Variants in PHYKPL observed in about 807,000 individuals in gnomAD.
The protein encoded by PHYKPL is 5-phosphohydroxy-L-lysine phospho-lyase.
Under a neutral mutation model 51.3 loss-of-function variants are expected in PHYKPL, and 42 were observed. That is an observed-to-expected ratio of 0.82 (90% CI 0.64 to 1.06). The LOEUF (loss-of-function observed/expected upper bound fraction) is 1.06. PHYKPL is among the 50% of genes least tolerant of loss of function. The probability of loss-of-function intolerance (pLI) is 0.00; values close to 1 mark genes in which losing one functional copy is unlikely to be tolerated. For synonymous variants in PHYKPL, 264 were observed against 236.0 expected (o/e 1.12, Z -1.09); for missense variants, 655 against 586.6 (o/e 1.12, Z -1.20).
chr5:178,224,426 G>C (rs1321115830), intron 6 of PHYKPL, 22 bp downstream of exon 6: 1 of 1,544,878 alleles, frequency 6.5e-7, no homozygotes, highest in East Asian at 2.3e-5. Flanking sequence ...TGGCTGGATT[G>C]GACAGGCGCG....
chr5:178,209,511 T>G, intron 12 of PHYKPL: 3 of 1,396,068 alleles, frequency 2.1e-6, no homozygotes, highest in Non-Finnish European at 3.0e-6. Flanking sequence ...TCCAAGCCTG[T>G]CTTGGGGCTC....
At chr5:178,231,020 A>G (rs1251892623) in intron 2 of PHYKPL, 1 of 179,362 alleles carries the variant, frequency 5.6e-6, no homozygotes, top group Non-Finnish European at 1.2e-5. Flanking sequence ...CCTCATCAAG[A>G]TGACTGAATT....
intron 12 of PHYKPL, among the ~76,000 whole-genome samples, chr5:178,209,890 CTGAG>C (rs1050686444): frequency 2.0e-5 from 3 of 152,228 alleles, no homozygotes; most frequent in South Asian, 2.1e-4. Context: ...CAGAGAGTGA[CTGAG>C]TGAGTGAGCT....
intron 1 of PHYKPL, 47 bp downstream of exon 1, chr5:178,232,445 C>T: frequency 1.4e-6 from 2 of 1,379,714 alleles, no homozygotes; most frequent in South Asian, 1.6e-5. Context: ...GCGCGTGCCT[C>T]TCCGCGCAGC....
At chr5:178,217,294 A>G (rs559798168) in intron 8 of PHYKPL, among the ~76,000 whole-genome samples, 2 of 151,604 alleles carry the variant, frequency 1.3e-5, no homozygotes, top group Admixed American at 1.3e-4. Context: ...GATCTCAGCA[A>G]ACTGCAGCTG....
intron 3 of PHYKPL, among the ~76,000 whole-genome samples, chr5:178,229,360 G>A (rs947630347): frequency 6.6e-6 from 1 of 152,074 alleles, no homozygotes; most frequent in African/African-American, 2.4e-5. Context: ...CGCCCACCTC[G>A]ATCTCCCGAA....
chr5:178,217,725 G>A (rs1760134160), intron 8 of PHYKPL, among the ~76,000 whole-genome samples: 2 of 151,202 alleles, frequency 1.3e-5, no homozygotes, highest in South Asian at 4.2e-4. Context: ...GGGCATCATG[G>A]CGGGCGCCTG....
chr5:178,224,799 T>C, intron 4 of PHYKPL, 70 bp from the exon 5 acceptor site: 1 of 1,254,896 alleles, frequency 8.0e-7, no homozygotes, highest in Non-Finnish European at 1.1e-6. Flanking sequence ...CTGACCATCG[T>C]CTCCCCACCC....
In PHYKPL at chr5:178,232,683, G is replaced by T; in HGVS notation, c.-133C>A. On this transcript the variant is annotated 5_prime_UTR_variant, in exon 1 of 13. Coordinates refer to ENST00000308158, the MANE Select transcript of PHYKPL (RefSeq NM_153373.4). ...GGGGCTCAGGTTCGCACTCGGCCCC[G>T]CCCCGAAGCGCCCGCGTTGCGGTGG... is the stretch of plus-strand genomic sequence containing the variant. 1 of 965,258 alleles carries T rather than the reference G, an allele frequency of 1.0e-6. No individual in the cohort carries two copies. Among genetic ancestry groups the T allele is most frequent in the Non-Finnish European group, 1.3e-6 (1 of 749,404 alleles). The allele number at this position is 965,258 out of a possible 1,614,324, so 59.8% of individuals were successfully genotyped here. A position where few individuals can be genotyped will look rare whatever the true frequency, so the allele number is the denominator to read the frequency against.
chr5:178,224,351 G>C, intron 6 of PHYKPL, 97 bp downstream of exon 6: 1 of 1,299,618 alleles, frequency 7.7e-7, no homozygotes, highest in Non-Finnish European at 1.1e-6. Flanking sequence ...GGCCTCGTTT[G>C]GTTTTCTCTC....
intron 12 of PHYKPL, chr5:178,210,661 TTTG>T: frequency 6.6e-7 from 1 of 1,504,816 alleles, no homozygotes; most frequent in Non-Finnish European, 9.3e-7. Context: ...GCACACATGC[TTTG>T]TTTGGATATG....
rs753039119 is a variant in PHYKPL at position 178,224,437 on chromosome 5, G to C, written c.618+11C>G. 6.4e-7 allele frequency: 1 copy of C among 1,562,292 alleles called. No individual in the cohort carries two copies. Among genetic ancestry groups the C allele is most frequent in the South Asian group, 1.2e-5 (1 of 82,184 alleles). ...CTGTTGGCTGGATTGGACAGGCGCG[G>C]ACACGGTTACCTTCCTGCCCTTCTC... On this transcript the variant is annotated intron_variant, in intron 6 of 12. Transcript: ENST00000308158.
chr5:178,213,205 C>CA (rs1181180102), intron 10 of PHYKPL, 102 bp from the exon 11 acceptor site: 51 of 1,483,828 alleles, frequency 3.4e-5, no homozygotes, highest in Non-Finnish European at 4.5e-5. Flanking sequence ...CAGAGCCTTC[C>CA]ATGGGCCAGT....
At chr5:178,215,210 G>A in intron 9 of PHYKPL, 66 bp downstream of exon 9, 2 of 1,605,790 alleles carry the variant, frequency 1.2e-6, no homozygotes, top group Non-Finnish European at 1.7e-6. Flanking sequence ...TTGTTAGGAG[G>A]TGAAGAAAAT....
chr5:178,229,490 C>T (rs573771168), intron 3 of PHYKPL, among the ~76,000 whole-genome samples: 1 of 152,180 alleles, frequency 6.6e-6, no homozygotes, highest in Non-Finnish European at 1.5e-5. Context: ...GCTTAACAGC[C>T]CTTCCTCAGG....
At chr5:178,218,109 C>A (rs1253054643) in intron 8 of PHYKPL, among the ~76,000 whole-genome samples, 16 of 107,456 alleles carry the variant, frequency 1.5e-4, no homozygotes, top group East Asian at 5.3e-4. Flanking sequence ...CCCAGCTACT[C>A]GGGAGGCTGA....
chr5:178,212,870 G>A, intron 11 of PHYKPL, 103 bp downstream of exon 11: 1 of 1,494,450 alleles, frequency 6.7e-7, no homozygotes, highest in Admixed American at 1.9e-5. Context: ...ATGTGCCTCT[G>A]CTCTTGGACT....
chr5:178,228,436 GGAATCCACACA>G (rs1353211842), intron 3 of PHYKPL: 1 of 661,452 alleles, frequency 1.5e-6, no homozygotes, highest in African/African-American at 1.8e-5. Flanking sequence ...GGAAGTCCCT[GGAATCCACACA>G]GAATAAAGCT....
chr5:178,220,125 G>C (rs1409196781), intron 8 of PHYKPL, among the ~76,000 whole-genome samples: 1 of 146,628 alleles, frequency 6.8e-6, no homozygotes, highest in Non-Finnish European at 1.5e-5. Flanking sequence ...AGCTCTGGAA[G>C]TAAAGGCTGC....
Sources: allele counts gnomAD v4.1 joint callset (sites outside exome capture counted in the v4.1 genomes callset), GRCh38; gene constraint gnomAD v4.1.1; transcripts MANE v1.5; gene names NCBI Gene and HGNC (gene_info 2026-07-23, HGNC 2026-07-21).